MS4A6A: variants seen among roughly 807,000 people sequenced by gnomAD.
MS4A6A encodes membrane-spanning 4-domains subfamily A member 6A.
MS4A6A carries 19 observed loss-of-function variants against 20.6 expected under a neutral mutation model. The ratio of observed to expected loss-of-function variants is 0.92; its 90% CI spans 0.64 to 1.36. MS4A6A has a LOEUF of 1.36. MS4A6A is among the 40% of genes most tolerant of loss of function. MS4A6A has a pLI of 0.00. For missense variants in MS4A6A, 272 were observed against 261.1 expected, an observed-to-expected ratio of 1.04 and a Z score of -0.29; for synonymous variants, 108 against 105.0, an observed-to-expected ratio of 1.03 and a Z score of -0.17.
At position 60,181,588 on chromosome 11, in the gene MS4A6A, A is replaced by G; in HGVS notation, c.140T>C (p.Val47Ala). Residue 47 changes from valine to alanine, a missense_variant, in exon 2 of 6, where the codon GTT becomes GCT. Val to Ala is a moderately conservative substitution (Grantham distance 64). Coordinates refer to ENST00000528851, the MANE Select transcript of MS4A6A (RefSeq NM_022349.4). The stretch of plus-strand genomic sequence containing the variant: ...GTTCTGAATTAGATTTACCCCAATA[A>G]CTTTGATTTCTGCGTGTAGATGTTT... ...LKKHLHAEIK[V>A]IGTIQILCGM... 2 of 1,613,806 alleles carry G rather than the reference A, an allele frequency of 1.2e-6. No individual in the cohort carries two copies. The highest frequency in any genetic ancestry group is 1.7e-6 in the Non-Finnish European group (2 of 1,179,932).
rs370978879 is a variant in MS4A6A at position 60,175,576 on chromosome 11, A to G, written c.375T>C (p.Ala125=). Residue 125 remains alanine, a synonymous_variant, in exon 5 of 6, where the codon GCT becomes GCC. Transcript: ENST00000528851. ...HSSLVGSILS[A]LSALVGFIIL... is the part of the protein sequence containing the mutation. ...TAATGAAACCCACCAGGGCAGACAG[A>G]GCACTCAGAATGCTTCCAACCAGGC... 9 of 1,613,748 alleles carry G rather than the reference A, an allele frequency of 5.6e-6. No individual in the cohort carries two copies. The highest frequency in any genetic ancestry group is 1.7e-5 in the Admixed American group (1 of 60,016).
intron 4 of MS4A6A, chr11:60,178,000 C>A (rs1856933479): frequency 7.1e-6 from 3 of 424,216 alleles, no homozygotes; most frequent in African/African-American, 2.1e-5. Flanking sequence ...GGCACAATTT[C>A]TCTGTGATAC....
chr11:60,181,690 A>G lies in MS4A6A; in HGVS notation c.38T>C (p.Val13Ala). 1 of 1,614,112 alleles carries G rather than the reference A, an allele frequency of 6.2e-7. No homozygotes were observed. The highest frequency in any genetic ancestry group is 8.5e-7 in the Non-Finnish European group (1 of 1,179,986). Residue 13 changes from valine to alanine, a missense_variant, in exon 2 of 6, where the codon GTG (valine) becomes GCG (alanine). Physicochemically the swap from Val to Ala is moderately conservative, Grantham distance 64. Transcript: ENST00000528851. The part of the protein sequence containing the change: ...SQPVPNETII[V>A]LPSNVINFSQ... ...GAAGTTGATGACATTTGATGGGAGC[A>G]CTATGATGGTCTCATTGGGAACAGG...
rs112018280 is a variant in MS4A6A, at chr11:60,179,616, A to G, written c.282+215T>C. On this transcript the variant is annotated intron_variant, in intron 3 of 5. Transcript: ENST00000528851. ...TCAAGATGATAATGTGAAGAATAAG[A>G]TGATCTTCAAAAGAAATGTTTATTT... 3.2e-4 allele frequency: 201 copies of G among 634,924 alleles called. 1 individual carries two copies. Among genetic ancestry groups the G allele is most frequent in the Non-Finnish European group, 2.9e-4 (103 of 356,652 alleles). 39.3% of individuals were successfully genotyped at this position (634,924 alleles called of 1,614,324 possible). A position where few individuals can be genotyped will look rare whatever the true frequency, so the allele number is the denominator to read the frequency against.
chr11:60,175,341 C>T (rs1000965604), intron 5 of MS4A6A, 61 bp downstream of exon 5: 23 of 1,364,634 alleles, frequency 1.7e-5, no homozygotes, highest in South Asian at 5.2e-5. Context: ...GAAGGAATAA[C>T]AAGAAATCAA....
chr11:60,176,926 G>A (rs1328617201), intron 4 of MS4A6A: 8 of 152,108 alleles, frequency 5.3e-5, no homozygotes, highest in Non-Finnish European at 7.3e-5. Context: ...GGAGTAACAG[G>A]CCCATATATT....
Position 60,179,844 on chromosome 11 carries a change from A to G in MS4A6A, c.269T>C (p.Ile90Thr), listed in dbSNP as rs1857038992. The G allele has an allele frequency of 1.2e-6, 2 of 1,614,012 alleles. No homozygotes were observed. Among genetic ancestry groups the G allele is most frequent in the African/African-American group, 2.7e-5 (2 of 74,914 alleles). Residue 90 changes from isoleucine (I) to threonine (T), a missense_variant, in exon 3 of 6, where the codon ATA becomes ACA. Coordinates refer to ENST00000528851, the MANE Select transcript of MS4A6A (RefSeq NM_022349.4). ...STLLNSAYPF[I>T]GPFFFIISGS... is the part of the protein sequence containing the mutation. Reference sequence around the variant, plus strand: ...AACTCTACTCACAAAAAAGGGTCCTATGAATGGGTAAGCAGAGTTCAACAG... The same window carrying G: ...AACTCTACTCACAAAAAAGGGTCCTGTGAATGGGTAAGCAGAGTTCAACAG...
chr11:60,180,297 A>G, intron 2 of MS4A6A: 1 of 301,304 alleles, frequency 3.3e-6, no homozygotes, highest in East Asian at 6.6e-5. Flanking sequence ...CTCTAAGTCC[A>G]TGACTAGTTA....
At chr11:60,177,919 C>T (rs796394115) in intron 4 of MS4A6A, 1 of 296,724 alleles carries the variant, frequency 3.4e-6, no homozygotes, top group Non-Finnish European at 6.4e-6. Flanking sequence ...CGCTTTATAA[C>T]ACTGTCAGCT....
chr11:60,178,260 CA>C lies in MS4A6A; in HGVS notation c.338del (p.Leu113TrpfsTer11). On this transcript the variant is annotated frameshift_variant and splice_region_variant, in exon 4 of 6. Transcript: ENST00000528851. LOFTEE classifies it high-confidence loss of function. ...IATEKRLTKL[L>X]VHSSLVGSIL... ...TGTGGGTTATAGCTCTCTTACTCAC[CA>C]AAAGCTTGGTTAACCTTTTCTCTGT... is the stretch of plus-strand genomic sequence containing the variant. 6.2e-7 allele frequency: 1 copy of C among 1,611,542 alleles called. No individual in the cohort carries two copies. The highest frequency in any genetic ancestry group is 8.5e-7 in the Non-Finnish European group (1 of 1,177,802).
intron 3 of MS4A6A, chr11:60,178,978 T>C: frequency 4.6e-6 from 1 of 219,260 alleles, no homozygotes; most frequent in South Asian, 5.6e-5. Context: ...CATGACAAAA[T>C]GTAATGTAGT....
intron 2 of MS4A6A, 130 bp from the exon 3 acceptor site, chr11:60,180,095 A>G: frequency 1.1e-6 from 1 of 917,990 alleles, no homozygotes; most frequent in South Asian, 1.7e-5. Flanking sequence ...AACCCTGTGG[A>G]AACTCTGGAG....
At chr11:60,179,262 A>G (rs1049858746) in intron 3 of MS4A6A, among the ~76,000 whole-genome samples, 3 of 152,240 alleles carry the variant, frequency 2.0e-5, no homozygotes, top group Non-Finnish European at 2.9e-5. Context: ...TGAGGAAAGG[A>G]CTACTAAGTC....
upstream of MS4A6A, chr11:60,184,226 C>G (rs1005294397): frequency 2.0e-5 from 3 of 152,226 alleles, no homozygotes; most frequent in African/African-American, 7.2e-5. Context: ...ATGTAATTGG[C>G]TTGTCTTAAG....
chr11:60,175,261 C>T (rs1856772794), intron 5 of MS4A6A, 141 bp downstream of exon 5: 5 of 629,018 alleles, frequency 7.9e-6, no homozygotes, highest in Non-Finnish European at 1.1e-5. Context: ...CCCTGTAGTC[C>T]CCTTTGATTT....
At chr11:60,173,444 C>A (rs750342007) in intron 5 of MS4A6A, among the ~76,000 whole-genome samples, 1 of 152,202 alleles carries the variant, frequency 6.6e-6, no homozygotes, top group African/African-American at 2.4e-5. Context: ...AGCAGAGTGG[C>A]GTAATAACTC....
At chr11:60,183,962 G>C (rs1180842655), upstream of MS4A6A, 1 of 152,224 alleles carries the variant, frequency 6.6e-6, no homozygotes, top group Admixed American at 6.5e-5. Context: ...TGACTTCAAT[G>C]TATCAGGCAA....
At chr11:60,177,908 C>A in intron 4 of MS4A6A, 1 of 266,028 alleles carries the variant, frequency 3.8e-6, no homozygotes, top group East Asian at 1.1e-4. Context: ...AACCAATAGA[C>A]CGCTTTATAA....
downstream of MS4A6A, chr11:60,172,302 G>C (rs761669395): frequency 6.2e-7 from 1 of 1,602,978 alleles, no homozygotes; most frequent in South Asian, 1.1e-5. Context: ...TCAGGTTCAA[G>C]ATAGATGTAT....
Sources: allele counts gnomAD v4.1 joint callset (sites outside exome capture counted in the v4.1 genomes callset), GRCh38; gene constraint gnomAD v4.1.1; transcripts MANE v1.5; gene names NCBI Gene and HGNC (gene_info 2026-07-23, HGNC 2026-07-21).